The following ZFAND3 variants were observed in gnomAD, a reference collection of about 807,000 sequenced individuals.
ZFAND3 encodes the protein AN1-type zinc finger protein 3.
In ZFAND3, 10 loss-of-function variants were observed where a neutral mutation model predicts 29.6. The ratio of observed to expected loss-of-function variants is 0.34; its 90% CI spans 0.21 to 0.57. The LOEUF is 0.57. Ranked by LOEUF, ZFAND3 falls within the 20% of genes least tolerant of loss-of-function variation. The pLI is 0.86. For synonymous variants in ZFAND3, 128 were observed against 112.6 expected (o/e 1.14, Z -0.87); for missense variants, 230 against 304.5 (o/e 0.76, Z 1.82).
chr6:37,934,172 G>A (rs1180873423), intron 2 of ZFAND3, among the ~76,000 whole-genome samples: 1 of 150,092 alleles, frequency 6.7e-6, no homozygotes, highest in Non-Finnish European at 1.5e-5. Flanking sequence ...ACAGGTGTAA[G>A]CCACTGCGCC....
rs571312036 is a variant in ZFAND3 at position 37,969,693 on chromosome 6, CAGA to C, written c.112+39699_112+39701del. ...ATAGTGGTCAGAGTAGTGAGTTACT[CAGA>C]AGAACTAAAATATTGTGTGTGAGGG... On this transcript the variant is annotated intron_variant, in intron 2 of 5. Transcript: ENST00000287218. Among the ~76,000 whole-genome samples the C allele has an allele frequency of 1.8e-3, 271 of 152,182 alleles. 2 individuals are homozygous for C. Among genetic ancestry groups the C allele is most frequent in the African/African-American group, 4.3e-3 (180 of 41,506 alleles).
intron 1 of ZFAND3, among the ~76,000 whole-genome samples, chr6:37,826,365 C>G (rs1193099807): frequency 1.3e-5 from 2 of 151,900 alleles, no homozygotes; most frequent in Non-Finnish European, 2.9e-5. Flanking sequence ...GGGCTGGGTC[C>G]CTGTGTAACA....
At chr6:37,870,827 G>A (rs1764682677) in intron 1 of ZFAND3, among the ~76,000 whole-genome samples, 1 of 152,064 alleles carries the variant, frequency 6.6e-6, no homozygotes, top group South Asian at 2.1e-4. Flanking sequence ...TTACAGGTGT[G>A]CACCACCACT....
At chr6:38,048,499 A>G (rs140320561) in intron 2 of ZFAND3, among the ~76,000 whole-genome samples, 3,714 of 151,448 alleles carry the variant, frequency 0.025, 111 homozygotes, top group African/African-American at 0.068. Context: ...GCAGGCACCT[A>G]TAGTCCGAGC....
intron 4 of ZFAND3, among the ~76,000 whole-genome samples, chr6:38,092,257 C>T (rs1485880658): frequency 6.6e-6 from 1 of 152,186 alleles, no homozygotes; most frequent in Non-Finnish European, 1.5e-5. Context: ...GGTTAGGCAG[C>T]CAGTCCAGCA....
intron 1 of ZFAND3, among the ~76,000 whole-genome samples, chr6:37,920,900 A>G (rs142718772): frequency 1.3e-5 from 2 of 152,282 alleles, no homozygotes; most frequent in African/African-American, 4.8e-5. Flanking sequence ...GTGATTTAGT[A>G]GAGCTGTTGG....
At chr6:37,897,165 T>C (rs1221097746) in intron 1 of ZFAND3, among the ~76,000 whole-genome samples, 1 of 152,216 alleles carries the variant, frequency 6.6e-6, no homozygotes, top group Non-Finnish European at 1.5e-5. Context: ...GAATATTTCC[T>C]TCATACCTGT....
At chr6:37,876,316 A>G (rs999024295) in intron 1 of ZFAND3, among the ~76,000 whole-genome samples, 1 of 152,214 alleles carries the variant, frequency 6.6e-6, no homozygotes, top group African/African-American at 2.4e-5. Flanking sequence ...AGTAGATACA[A>G]CTTAATTATT....
intron 2 of ZFAND3, among the ~76,000 whole-genome samples, chr6:37,987,812 C>T (rs1762695342): frequency 6.6e-6 from 1 of 152,178 alleles, no homozygotes; most frequent in African/African-American, 2.4e-5. Context: ...GATGTAGTGA[C>T]CCTCGGTCAT....
chr6:37,873,688 A>G (rs1024647726), intron 1 of ZFAND3, among the ~76,000 whole-genome samples: 5 of 152,212 alleles, frequency 3.3e-5, no homozygotes, highest in African/African-American at 9.6e-5. Context: ...AGCATGTACA[A>G]TATAAGGTGT....
rs555026343 is a variant in ZFAND3 at position 37,996,044 on chromosome 6, G to A, written c.113-65549G>A. Among the ~76,000 whole-genome samples, 212 of 151,666 alleles carry A rather than the reference G, an allele frequency of 1.4e-3. 1 individual carries two copies. Among genetic ancestry groups the A allele is most frequent in the Middle Eastern group, 0.014 (4 of 292 alleles). ...CTCGGGAAGCTCAGGCAGGAGAATC[G>A]CTTGAACCTGGGAGGCGTAGGTTGC... On this transcript the variant is annotated intron_variant, in intron 2 of 5. Transcript: ENST00000287218.
intron 4 of ZFAND3, among the ~76,000 whole-genome samples, chr6:38,102,861 A>G (rs1008237071): frequency 6.6e-6 from 1 of 152,064 alleles, no homozygotes; most frequent in African/African-American, 2.4e-5. Context: ...GGTTCAAGCA[A>G]TTCTCCTGCC....
chr6:38,058,295 T>C (rs1329384460), intron 2 of ZFAND3, among the ~76,000 whole-genome samples: 1 of 152,158 alleles, frequency 6.6e-6, no homozygotes, highest in Non-Finnish European at 1.5e-5. Flanking sequence ...CATATAACAT[T>C]TCCAATTAAA....
chr6:38,028,807 A>G (rs748761371), intron 2 of ZFAND3, among the ~76,000 whole-genome samples: 6 of 152,152 alleles, frequency 3.9e-5, no homozygotes, highest in Non-Finnish European at 8.8e-5. Context: ...CCTGTATTCT[A>G]TGTAGAATTC....
rs1014841768 is a variant in ZFAND3, at chr6:37,819,793, G to C, written c.-153G>C. 8.0e-6 allele frequency: 3 copies of C among 376,762 alleles called. No homozygotes were observed. Among genetic ancestry groups the C allele is most frequent in the African/African-American group, 6.6e-5 (3 of 45,690 alleles). 23.3% of individuals were successfully genotyped at this position (376,762 alleles called of 1,614,324 possible). A position where few individuals can be genotyped will look rare whatever the true frequency, so the allele number is the denominator to read the frequency against. On this transcript the variant is annotated 5_prime_UTR_variant, in exon 1 of 6. Transcript: ENST00000287218. The stretch of plus-strand genomic sequence containing the variant: ...CTGACCGGCCTGGAATCCCGGCTCC[G>C]AGCCCCGGACTCGCGCCCGCCCGCG...
intron 2 of ZFAND3, among the ~76,000 whole-genome samples, chr6:38,010,688 C>T (rs1348565573): frequency 6.6e-6 from 1 of 151,636 alleles, no homozygotes; most frequent in Non-Finnish European, 1.5e-5. Flanking sequence ...CAACCTCCGC[C>T]TCACGGGTTC....
chr6:38,090,850 G>A (rs1465902985), intron 4 of ZFAND3, among the ~76,000 whole-genome samples: 1 of 152,192 alleles, frequency 6.6e-6, no homozygotes, highest in Admixed American at 6.5e-5. Flanking sequence ...CTCACACAAT[G>A]TATAGATTTC....
intron 2 of ZFAND3, among the ~76,000 whole-genome samples, chr6:38,047,045 A>G (rs12213151): frequency 0.26 from 39,535 of 151,894 alleles, 6,622 homozygotes; most frequent in Non-Finnish European, 0.38. Flanking sequence ...ACTTCTGGCC[A>G]GGTGCGGTGG....
At chr6:38,101,646 C>T (rs1020203170) in intron 4 of ZFAND3, among the ~76,000 whole-genome samples, 3 of 151,788 alleles carry the variant, frequency 2.0e-5, no homozygotes, top group African/African-American at 2.4e-5. Context: ...TGGTGGTGGG[C>T]ACCTGTAATC....
Sources: allele counts gnomAD v4.1 joint callset (sites outside exome capture counted in the v4.1 genomes callset), GRCh38; gene constraint gnomAD v4.1.1; transcripts MANE v1.5; gene names NCBI Gene and HGNC (gene_info 2026-07-23, HGNC 2026-07-21).